Variants in RGS3 observed in about 807,000 individuals in gnomAD.
RGS3 encodes the protein regulator of G protein signaling 3.
In RGS3, 80 loss-of-function variants were observed where a neutral mutation model predicts 132.6. The ratio of observed to expected loss-of-function variants is 0.60; its 90% CI spans 0.50 to 0.73. The LOEUF (loss-of-function observed/expected upper bound fraction) is 0.73. Ranked by LOEUF, RGS3 falls within the 30% of genes least tolerant of loss-of-function variation. RGS3 has a pLI of 0.00. For synonymous variants in RGS3, 598 were observed against 620.6 expected, an observed-to-expected ratio of 0.96 and a Z score of 0.54; for missense variants, 1,382 against 1,530.8, an observed-to-expected ratio of 0.90 and a Z score of 1.62.
chr9:113,497,990 C>A, intron 9 of RGS3, 35 bp from the exon 8 acceptor site: 1 of 1,611,428 alleles, frequency 6.2e-7, no homozygotes, highest in Non-Finnish European at 8.5e-7. Flanking sequence ...TCTCTGCCAC[C>A]AGAAGTTTTC....
exon 5 of RGS3, chr9:113,483,077 T>C: frequency 6.2e-7 from 1 of 1,614,068 alleles, no homozygotes; most frequent in Non-Finnish European, 8.5e-7. Context: ...GGTAAAGGCC[T>C]GATCAGCAAA....
chr9:113,581,038 G>GGGGA, intron 19 of RGS3: 1 of 145,840 alleles, frequency 6.9e-6, no homozygotes, highest in Non-Finnish European at 1.5e-5. Flanking sequence ...GGGTCGGGGG[G>GGGGA]AGGTCTGGCC....
intron 16 of RGS3, among the ~76,000 whole-genome samples, chr9:113,521,912 G>T (rs1490731354): frequency 6.6e-6 from 1 of 152,218 alleles, no homozygotes. Flanking sequence ...AAGAGACAAG[G>T]TGTCAGGTGT....
chr9:113,563,958 A>G (rs962937837), intron 19 of RGS3, among the ~76,000 whole-genome samples: 2 of 151,948 alleles, frequency 1.3e-5, no homozygotes, highest in African/African-American at 4.8e-5. Context: ...GGGAAAATAG[A>G]GGCTCCTTCT....
chr9:113,508,824 C>T (rs775831447), intron 14 of RGS3, among the ~76,000 whole-genome samples: 2 of 152,140 alleles, frequency 1.3e-5, no homozygotes, highest in Non-Finnish European at 2.9e-5. Context: ...TTTGAGAGAC[C>T]GTGTGTCCAG....
At chr9:113,501,831 A>T (rs1830912294) in intron 10 of RGS3, among the ~76,000 whole-genome samples, 1 of 152,342 alleles carries the variant, frequency 6.6e-6, no homozygotes, top group African/African-American at 2.4e-5. Flanking sequence ...ATGGAGTCCT[A>T]ACCACTGGCT....
chr9:113,565,505 C>A lies in RGS3; in HGVS notation c.2038-17945C>A. 1.6e-6 allele frequency: 1 copy of A among 644,746 alleles called. No homozygotes were observed. Among genetic ancestry groups the A allele is most frequent in the Non-Finnish European group, 2.3e-6 (1 of 426,372 alleles). 39.9% of individuals were successfully genotyped at this position (644,746 alleles called of 1,614,324 possible). On this transcript the variant is annotated intron_variant, in intron 19 of 24. Coordinates refer to ENST00000350696, the Ensembl canonical transcript of RGS3. This position sits in a 1 kb window ranked among gnomAD's most constrained non-coding sequence, Gnocchi z 5.7. The stretch of plus-strand genomic sequence containing the variant: ...GGTGGAACCTGGTCATTTGGTTCTG[C>A]TTTTCCTAGCAGGTATCGCTCCCCT...
At position 113,537,502 on chromosome 9, in the gene RGS3, G is replaced by GA. The variant is rs1288994061; in HGVS notation, c.2037+585dup. Among the ~76,000 whole-genome samples, 1 of 152,228 alleles carries GA rather than the reference G, an allele frequency of 6.6e-6. No homozygotes were observed. Among genetic ancestry groups the GA allele is most frequent in the Non-Finnish European group, 1.5e-5 (1 of 68,042 alleles). ...GCTCAGCCCATCCAGTGCCTGGGGA[G>GA]AGGGGATGGGATAGGAGCTGGACCA... On this transcript the variant is annotated intron_variant, in intron 19 of 24. Transcript: ENST00000350696. This position sits in a 1 kb window ranked among gnomAD's most constrained non-coding sequence, Gnocchi z 4.3.
At chr9:113,453,812 A>T (rs1315294856) in intron 1 of RGS3, among the ~76,000 whole-genome samples, 1 of 148,744 alleles carries the variant, frequency 6.7e-6, no homozygotes, top group Middle Eastern at 3.3e-3. Flanking sequence ...TAATAAATAT[A>T]TATATCTTCC....
At chr9:113,488,270 G>T (rs946703467) in intron 7 of RGS3, among the ~76,000 whole-genome samples, 1 of 152,210 alleles carries the variant, frequency 6.6e-6, no homozygotes, top group Non-Finnish European at 1.5e-5. Flanking sequence ...AGGTGAGTCA[G>T]CTTGGGATAC....
At chr9:113,457,503 T>C (rs1829389794), upstream of RGS3, among the ~76,000 whole-genome samples, 2 of 152,218 alleles carry the variant, frequency 1.3e-5, no homozygotes, top group South Asian at 4.1e-4. Flanking sequence ...CTCAGCTCCA[T>C]AGGTGCTTAG....
chr9:113,563,800 A>G (rs1833886589), intron 19 of RGS3, among the ~76,000 whole-genome samples: 1 of 152,170 alleles, frequency 6.6e-6, no homozygotes, highest in African/African-American at 2.4e-5. Context: ...TGTATGTGAG[A>G]GAGTCAGGAA....
chr9:113,580,045 C>T (rs922105016), intron 19 of RGS3, among the ~76,000 whole-genome samples: 2 of 152,214 alleles, frequency 1.3e-5, no homozygotes, highest in African/African-American at 4.8e-5. Context: ...TGCTCCGGAG[C>T]TCCCGTCAAA....
In RGS3 at chr9:113,594,161, T is replaced by A. The variant is rs768879893; in HGVS notation, c.3081-269T>A. 1.9e-6 allele frequency: 3 copies of A among 1,613,068 alleles called. No homozygotes were observed. The East Asian group carries it at 6.7e-5, about 36-fold the overall frequency. ...AGGCCAGGATTCCAGAGAGCGTGTG[T>A]GGCTGCAGCCTGCACCGTTGCTGCC... On this transcript the variant is annotated intron_variant, in intron 21 of 24. Transcript: ENST00000350696.
intron 4 of RGS3, among the ~76,000 whole-genome samples, chr9:113,481,718 A>G (rs1012494675): frequency 6.6e-6 from 1 of 152,164 alleles, no homozygotes; most frequent in Admixed American, 6.5e-5. Flanking sequence ...GACTACTGGG[A>G]GCACTGTCTG....
At chr9:113,517,737 G>C in intron 16 of RGS3, 113 bp downstream of exon 14, 2 of 765,654 alleles carry the variant, frequency 2.6e-6, no homozygotes, top group Non-Finnish European at 4.2e-6. Flanking sequence ...ACATTCTCAG[G>C]GTAGGGGAGA....
At chr9:113,563,926 C>T (rs1283413627) in intron 19 of RGS3, among the ~76,000 whole-genome samples, 2 of 152,054 alleles carry the variant, frequency 1.3e-5, no homozygotes, top group Non-Finnish European at 2.9e-5. Context: ...GCCTAGGTGG[C>T]CAAGGTGGGT....
At chr9:113,566,660 A>G (rs556877782) in intron 19 of RGS3, among the ~76,000 whole-genome samples, 3 of 152,312 alleles carry the variant, frequency 2.0e-5, no homozygotes, top group South Asian at 4.1e-4. Context: ...ATTCAGCTTC[A>G]AATCTGACCT....
chr9:113,463,664 G>T lies in RGS3; in HGVS notation c.415+1463G>T. 1 of 1,396,934 alleles carries T rather than the reference G, an allele frequency of 7.2e-7. No individual in the cohort carries two copies. The highest frequency in any genetic ancestry group is 1.5e-5 in the African/African-American group (1 of 66,588). The allele number at this position is 1,396,934 out of a possible 1,614,324, so 86.5% of individuals were successfully genotyped here. ...ACCCGCGCGGGCCAATCAGGGCCGG[G>T]CGCGCCCTGGCCGTTCCAACGCTTG... On this transcript the variant is annotated intron_variant, in intron 3 of 24. Coordinates refer to ENST00000350696, the Ensembl canonical transcript of RGS3. This position sits in a 1 kb window ranked among gnomAD's most constrained non-coding sequence, Gnocchi z 4.6.
Sources: gnomAD v4.1 joint callset for allele counts (sites outside exome capture counted in the v4.1 genomes callset) on GRCh38, gnomAD v4.1.1 for gene constraint, Gnocchi (gnomAD v3.1) non-coding constraint, MANE v1.5 for transcripts, NCBI Gene and HGNC (gene_info 2026-07-23, HGNC 2026-07-21) for gene names.